TENM2: variants seen among roughly 807,000 people sequenced by gnomAD.
The protein encoded by TENM2 is teneurin-2.
Under a neutral mutation model 245.2 loss-of-function variants are expected in TENM2, and 52 were observed. That is an observed-to-expected ratio of 0.21 (90% CI 0.17 to 0.27). TENM2 has a LOEUF of 0.27. TENM2 is among the 10% of genes least tolerant of loss of function. The probability of loss-of-function intolerance (pLI) is 1.00; values close to 1 mark genes in which losing one functional copy is unlikely to be tolerated. For synonymous variants in TENM2, 1,363 were observed against 1,438.9 expected (o/e 0.95, Z 1.19); for missense variants, 3,046 against 3,666.8 (o/e 0.83, Z 4.37).
chr5:168,204,476 A>T (rs772608159), exon 19 of TENM2: 1 of 1,613,890 alleles, frequency 6.2e-7, no homozygotes, highest in Non-Finnish European at 8.5e-7. Flanking sequence ...TTCCTGTCCC[A>T]GCTGCAACGG....
intron 2 of TENM2, among the ~76,000 whole-genome samples, chr5:167,736,686 G>GAA (rs57992345): frequency 0.24 from 30,761 of 127,238 alleles, 3,776 homozygotes; most frequent in East Asian, 0.44. Flanking sequence ...CCTGGCTCAG[G>GAA]AAAAAAAAAA....
At chr5:167,419,817 C>G (rs1038467407) in intron 2 of TENM2, among the ~76,000 whole-genome samples, 4 of 152,292 alleles carry the variant, frequency 2.6e-5, no homozygotes, top group Non-Finnish European at 5.9e-5. Context: ...AGGGAAAACT[C>G]AGCCCTCATT....
the TENM2 span, among the ~76,000 whole-genome samples, chr5:167,192,647 C>G: frequency 1.3e-5 from 2 of 152,122 alleles, no homozygotes; most frequent in African/African-American, 4.8e-5. Context: ...TAGGCAATAT[C>G]CTTCAGGTCT....
intron 2 of TENM2, among the ~76,000 whole-genome samples, chr5:167,509,654 T>A (rs1769793185): frequency 1.3e-5 from 2 of 152,222 alleles, no homozygotes; most frequent in Admixed American, 1.3e-4. Context: ...AGGTCATTAT[T>A]ATTAGCGATA....
At chr5:168,025,150 T>A (rs1410466589) in intron 5 of TENM2, among the ~76,000 whole-genome samples, 1 of 152,168 alleles carries the variant, frequency 6.6e-6, no homozygotes, top group Non-Finnish European at 1.5e-5. Flanking sequence ...CACATGCAAA[T>A]GGAAAACTAC....
chr5:167,410,279 AT>A (rs1762839622), intron 2 of TENM2, among the ~76,000 whole-genome samples: 1 of 152,054 alleles, frequency 6.6e-6, no homozygotes, highest in South Asian at 2.1e-4. Flanking sequence ...CAGATGGCCT[AT>A]CTTTATGAAG....
At chr5:168,197,527 C>T (rs1761547062) in intron 15 of TENM2, among the ~76,000 whole-genome samples, 1 of 151,936 alleles carries the variant, frequency 6.6e-6, no homozygotes, top group African/African-American at 2.4e-5. Flanking sequence ...GGTGAAACCC[C>T]ATCTCTACTA....
chr5:167,286,824 T>C (rs1442145878), intron 1 of TENM2, among the ~76,000 whole-genome samples: 1 of 152,244 alleles, frequency 6.6e-6, no homozygotes, highest in Non-Finnish European at 1.5e-5. Flanking sequence ...CCTTTATTAA[T>C]ATTTACATAA....
intron 2 of TENM2, among the ~76,000 whole-genome samples, chr5:167,482,614 T>C (rs1213564776): frequency 6.6e-6 from 1 of 152,198 alleles, no homozygotes; most frequent in Non-Finnish European, 1.5e-5. Flanking sequence ...GTCAAGCTAC[T>C]CTTAGTTGCT....
At chr5:167,329,802 G>A (rs1466048216) in intron 1 of TENM2, among the ~76,000 whole-genome samples, 1 of 152,074 alleles carries the variant, frequency 6.6e-6, no homozygotes. Flanking sequence ...ATGAGTTCTT[G>A]CTTATAGTAG....
the TENM2 span, among the ~76,000 whole-genome samples, chr5:167,209,697 A>G: frequency 6.6e-6 from 1 of 151,662 alleles, no homozygotes; most frequent in African/African-American, 2.4e-5. Flanking sequence ...TTTTTCCCCC[A>G]CATCATTCCC....
intron 2 of TENM2, among the ~76,000 whole-genome samples, chr5:167,392,562 C>T (rs577271412): frequency 3.9e-5 from 6 of 152,254 alleles, no homozygotes; most frequent in South Asian, 2.1e-4. Flanking sequence ...ATACCATAAC[C>T]TCTCCAACTC....
chr5:167,299,673 A>G (rs573973488), intron 1 of TENM2, among the ~76,000 whole-genome samples: 1 of 152,282 alleles, frequency 6.6e-6, no homozygotes, highest in African/African-American at 2.4e-5. Context: ...TGGAACTGCC[A>G]TCAATAAACT....
At chr5:167,722,626 T>C (rs1759708420) in intron 2 of TENM2, among the ~76,000 whole-genome samples, 2 of 151,958 alleles carry the variant, frequency 1.3e-5, no homozygotes, top group Admixed American at 6.5e-5. Flanking sequence ...ATACAAAAAT[T>C]AGCTGGGCGT....
chr5:166,995,642 C>T, the TENM2 span, among the ~76,000 whole-genome samples: 2 of 151,016 alleles, frequency 1.3e-5, no homozygotes, highest in Non-Finnish European at 2.9e-5. Flanking sequence ...ATGGTGAAAC[C>T]CCATCTCTAC....
At chr5:168,188,417 G>A (rs140711844) in intron 13 of TENM2, among the ~76,000 whole-genome samples, 104 of 152,304 alleles carry the variant, frequency 6.8e-4, no homozygotes, top group African/African-American at 2.4e-3. Flanking sequence ...CCAGCCGAGT[G>A]AATAAGGATT....
At chr5:167,349,621 G>A (rs1241222930) in intron 1 of TENM2, among the ~76,000 whole-genome samples, 2 of 151,996 alleles carry the variant, frequency 1.3e-5, no homozygotes, top group African/African-American at 4.8e-5. Flanking sequence ...CACATATACT[G>A]TATATATACA....
At chr5:167,773,702 A>C (rs1364369) in intron 2 of TENM2, among the ~76,000 whole-genome samples, 108,603 of 151,934 alleles carry the variant, frequency 0.71, 39,706 homozygotes, top group Middle Eastern at 0.85. Flanking sequence ...GTATTAGACA[A>C]GATTTCGGCT....
At chr5:167,300,396 C>T (rs183554265) in intron 1 of TENM2, among the ~76,000 whole-genome samples, 24 of 152,016 alleles carry the variant, frequency 1.6e-4, no homozygotes, top group African/African-American at 4.1e-4. Context: ...CAGAATAATG[C>T]GTTGTAGAGG....
Sources: gnomAD v4.1 joint callset for allele counts (sites outside exome capture counted in the v4.1 genomes callset) on GRCh38, gnomAD v4.1.1 for gene constraint, MANE v1.5 for transcripts, NCBI Gene and HGNC (gene_info 2026-07-23, HGNC 2026-07-21) for gene names.